Variants in TENM3 observed in about 807,000 individuals in gnomAD.
TENM3 encodes the protein teneurin-3.
Under a neutral mutation model 255.1 loss-of-function variants are expected in TENM3, and 63 were observed. The ratio of observed to expected loss-of-function variants is 0.25; its 90% CI spans 0.20 to 0.30. TENM3 has a LOEUF of 0.30. Ranked by LOEUF, TENM3 falls within the 10% of genes least tolerant of loss-of-function variation. The pLI is 1.00. For synonymous variants in TENM3, 1,306 were observed against 1,322.3 expected (o/e 0.99, Z 0.27); for missense variants, 2,929 against 3,461.1 (o/e 0.85, Z 3.86).
chr4:182,246,605 T>C (rs1757666358), intron 1 of TENM3, among the ~76,000 whole-genome samples: 1 of 152,204 alleles, frequency 6.6e-6, no homozygotes. Context: ...AGAATGTGTC[T>C]CGTCCGTATG....
intron 3 of TENM3, among the ~76,000 whole-genome samples, chr4:182,407,070 C>T (rs1351792934): frequency 6.6e-6 from 1 of 152,074 alleles, no homozygotes; most frequent in Non-Finnish European, 1.5e-5. Context: ...ATCCATGGTT[C>T]GACTGTAAAA....
the TENM3 span, among the ~76,000 whole-genome samples, chr4:181,894,777 A>G: frequency 6.6e-6 from 1 of 151,728 alleles, no homozygotes; most frequent in Non-Finnish European, 1.5e-5. Flanking sequence ...CCAGCTTACG[A>G]TAGAATGATA....
the TENM3 span, among the ~76,000 whole-genome samples, chr4:181,934,075 T>TGTGTGTGTGC: frequency 1.8e-4 from 26 of 148,100 alleles, no homozygotes; most frequent in African/African-American, 5.8e-4. Context: ...TGTGTGTGTG[T>TGTGTGTGTGC]GCGCGCGCTT....
the TENM3 span, among the ~76,000 whole-genome samples, chr4:181,607,429 T>TC: frequency 7.0e-6 from 1 of 142,862 alleles, no homozygotes; most frequent in Non-Finnish European, 1.5e-5. Context: ...TTTTTTTTTC[T>TC]TTTTGAGACG....
chr4:181,995,469 C>T, the TENM3 span, among the ~76,000 whole-genome samples: 2 of 152,146 alleles, frequency 1.3e-5, no homozygotes, highest in African/African-American at 4.8e-5. Context: ...AAAATGGAAG[C>T]ACAAATATTT....
chr4:182,021,357 A>T, the TENM3 span, among the ~76,000 whole-genome samples: 1 of 152,084 alleles, frequency 6.6e-6, no homozygotes, highest in Non-Finnish European at 1.5e-5. Context: ...GCTACTGTGA[A>T]TAGTTCCTGC....
chr4:181,542,310 A>G, the TENM3 span, among the ~76,000 whole-genome samples: 1 of 152,190 alleles, frequency 6.6e-6, no homozygotes, highest in Non-Finnish European at 1.5e-5. Context: ...TAATTGTCTG[A>G]GGCAAGTTTG....
intron 3 of TENM3, among the ~76,000 whole-genome samples, chr4:182,393,648 G>A (rs1383520375): frequency 1.3e-5 from 2 of 152,158 alleles, no homozygotes; most frequent in East Asian, 3.9e-4. Flanking sequence ...TAAGATACAG[G>A]ATTTCTTTTA....
the TENM3 span, among the ~76,000 whole-genome samples, chr4:181,543,748 A>G: frequency 1.3e-5 from 2 of 152,180 alleles, no homozygotes; most frequent in African/African-American, 4.8e-5. Flanking sequence ...GGTAGTTTTT[A>G]GTGTTTCGTA....
At chr4:181,674,769 C>A in the TENM3 span, among the ~76,000 whole-genome samples, 8,424 of 152,168 alleles carry the variant, frequency 0.055, 324 homozygotes, top group Middle Eastern at 0.16. Context: ...GGACCACATT[C>A]AGCATAGCAC....
chr4:181,526,761 G>A, the TENM3 span, among the ~76,000 whole-genome samples: 1 of 152,132 alleles, frequency 6.6e-6, no homozygotes, highest in African/African-American at 2.4e-5. Flanking sequence ...AGAGAGAGCT[G>A]TGTATAGATT....
the TENM3 span, among the ~76,000 whole-genome samples, chr4:182,095,321 TTGGAATATTACACACATACACAA>T: frequency 4.6e-5 from 7 of 152,196 alleles, no homozygotes; most frequent in Non-Finnish European, 8.8e-5. Flanking sequence ...GTGGTACACA[TTGGAATATTACACACATACACAA>T]TGGAATATTA....
chr4:181,465,036 C>T, the TENM3 span, among the ~76,000 whole-genome samples: 1 of 152,026 alleles, frequency 6.6e-6, no homozygotes, highest in Non-Finnish European at 1.5e-5. Flanking sequence ...TCATCTAACC[C>T]GAGGTGAAGC....
the TENM3 span, among the ~76,000 whole-genome samples, chr4:182,136,232 AATAATAGGGCT>A: frequency 2.6e-5 from 4 of 152,322 alleles, no homozygotes; most frequent in South Asian, 2.1e-4. Flanking sequence ...AATGATAATG[AATAATAGGGCT>A]ACAATTACTT....
intron 3 of TENM3, among the ~76,000 whole-genome samples, chr4:182,508,154 C>T (rs1737030476): frequency 6.6e-6 from 1 of 152,176 alleles, no homozygotes; most frequent in Non-Finnish European, 1.5e-5. Flanking sequence ...AAGGATGAGA[C>T]ATACCACATG....
At chr4:181,931,051 C>T in the TENM3 span, among the ~76,000 whole-genome samples, 2 of 152,162 alleles carry the variant, frequency 1.3e-5, no homozygotes, top group Non-Finnish European at 2.9e-5. Flanking sequence ...AAACCCACAG[C>T]CAATATCATA....
At chr4:182,034,352 G>A in the TENM3 span, among the ~76,000 whole-genome samples, 4 of 152,106 alleles carry the variant, frequency 2.6e-5, no homozygotes, top group Admixed American at 2.6e-4. Context: ...GCCATTCTGT[G>A]TCTTTTACTT....
chr4:181,873,741 G>GGTGTGT, the TENM3 span, among the ~76,000 whole-genome samples: 7 of 148,878 alleles, frequency 4.7e-5, no homozygotes, highest in African/African-American at 1.7e-4. Flanking sequence ...TCTTGAGTAT[G>GGTGTGT]GTGTGTGTGT....
rs543689650 is a variant in TENM3, at chr4:182,537,526, G to A, written c.512-63398G>A. Among the ~76,000 whole-genome samples, 110 of 152,202 alleles carry A rather than the reference G, an allele frequency of 7.2e-4. 1 individual carries two copies. The highest frequency in any genetic ancestry group is 2.5e-3 in the African/African-American group (102 of 41,530). On this transcript the variant is annotated intron_variant, in intron 3 of 27. Transcript: ENST00000511685. ...AGTAAACTATTTATTTACCATTCCC[G>A]GAGCAGGCACTTTGCTTTCTGCTAT...
Sources: gnomAD v4.1 joint callset for allele counts (sites outside exome capture counted in the v4.1 genomes callset) on GRCh38, gnomAD v4.1.1 for gene constraint, MANE v1.5 for transcripts, NCBI Gene and HGNC (gene_info 2026-07-23, HGNC 2026-07-21) for gene names.